ZNF804B: variants seen among roughly 807,000 people sequenced by gnomAD.
ZNF804B encodes the protein zinc finger 804B.
Under a neutral mutation model 101.4 loss-of-function variants are expected in ZNF804B, and 80 were observed. That is an observed-to-expected ratio of 0.79 (90% CI 0.66 to 0.95). The LOEUF (loss-of-function observed/expected upper bound fraction) is 0.95, where lower values mean the gene tolerates loss of function less well. ZNF804B is among the 40% of genes least tolerant of loss of function. ZNF804B has a pLI of 0.00. For missense variants in ZNF804B, 1,673 were observed against 1,561.9 expected (o/e 1.07, Z -1.20); for synonymous variants, 622 against 558.8 (o/e 1.11, Z -1.59).
In ZNF804B at chr7:89,335,044, G is replaced by T. The variant is rs150806475; in HGVS notation, c.2062G>T (p.Val688Phe). Residue 688 changes from valine to phenylalanine, a missense_variant, in exon 4 of 4, where the codon GTT becomes TTT. Coordinates refer to ENST00000333190, the MANE Select transcript of ZNF804B (RefSeq NM_181646.5). ...KSNHISMTSK[V>F]SGCGNQRYKR... ...TAACCACATCAGCATGACCAGCAAGGTTTCCGGATGTGGAAACCAAAGATA... is the reference window on the plus strand; with the variant it reads ...TAACCACATCAGCATGACCAGCAAGTTTTCCGGATGTGGAAACCAAAGATA... The T allele has an allele frequency of 1.4e-5, 23 of 1,613,644 alleles. No homozygotes were observed. In the African/African-American group the frequency reaches 3.1e-4, roughly 22 times the overall value.
intron 2 of ZNF804B, among the ~76,000 whole-genome samples, chr7:89,266,493 TA>T (rs1210388480): frequency 1.3e-5 from 2 of 152,172 alleles, no homozygotes; most frequent in Non-Finnish European, 2.9e-5. Context: ...TTTAAAGATA[TA>T]CTTTTAATAA....
intron 1 of ZNF804B, among the ~76,000 whole-genome samples, chr7:89,038,899 A>G (rs542201130): frequency 1.3e-4 from 20 of 152,086 alleles, no homozygotes; most frequent in Non-Finnish European, 2.6e-4. Context: ...TCCCAGTACC[A>G]TTTATTAATG....
intron 1 of ZNF804B, among the ~76,000 whole-genome samples, chr7:89,136,711 G>A (rs995519356): frequency 3.3e-5 from 5 of 149,968 alleles, no homozygotes; most frequent in Non-Finnish European, 7.4e-5. Context: ...TCTTTTTAAG[G>A]CTGAATTATA....
chr7:89,037,074 A>T (rs1332659971), intron 1 of ZNF804B, among the ~76,000 whole-genome samples: 1 of 152,154 alleles, frequency 6.6e-6, no homozygotes, highest in African/African-American at 2.4e-5. Flanking sequence ...GAATGAGACA[A>T]TTTTAACCTA....
chr7:89,219,985 G>GTGTGCATATATATGTATATACATATA (rs1788965015), intron 2 of ZNF804B, among the ~76,000 whole-genome samples: 1 of 91,106 alleles, frequency 1.1e-5, no homozygotes, highest in African/African-American at 4.5e-5. Context: ...ATATACATAT[G>GTGTGCATATATATGTATATACATATA]TGTGCATATA....
chr7:89,061,966 C>T (rs1789388389), intron 1 of ZNF804B, among the ~76,000 whole-genome samples: 1 of 152,044 alleles, frequency 6.6e-6, no homozygotes, highest in East Asian at 1.9e-4. Flanking sequence ...AAACATTCAT[C>T]ACTCCCAATT....
At chr7:88,919,654 C>T (rs1426565463) in intron 1 of ZNF804B, among the ~76,000 whole-genome samples, 1 of 152,102 alleles carries the variant, frequency 6.6e-6, no homozygotes, top group Non-Finnish European at 1.5e-5. Context: ...GGTTTTAGTA[C>T]AGTGTTTCCT....
chr7:89,045,148 G>A (rs1789085817), intron 1 of ZNF804B, among the ~76,000 whole-genome samples: 1 of 152,232 alleles, frequency 6.6e-6, no homozygotes. Flanking sequence ...GAGGGTGCAA[G>A]CCCCAAGCCT....
intron 1 of ZNF804B, among the ~76,000 whole-genome samples, chr7:89,160,087 G>A (rs1791036496): frequency 6.6e-6 from 1 of 152,080 alleles, no homozygotes; most frequent in African/African-American, 2.4e-5. Flanking sequence ...TAATTCCAAG[G>A]TAAGCCATAT....
intron 1 of ZNF804B, among the ~76,000 whole-genome samples, chr7:89,034,536 T>G (rs1329651901): frequency 6.6e-6 from 1 of 152,154 alleles, no homozygotes; most frequent in African/African-American, 2.4e-5. Flanking sequence ...TTGGTGAGAA[T>G]GATGGCTTCC....
At position 89,336,115 on chromosome 7, in the gene ZNF804B, G is replaced by A. The variant is rs1791082102; in HGVS notation, c.3133G>A (p.Asp1045Asn). 1.2e-6 allele frequency: 2 copies of A among 1,613,706 alleles called. No individual in the cohort carries two copies. The highest frequency in any genetic ancestry group is 2.7e-5 in the African/African-American group (2 of 74,878). ...TESQSLNIKR[D>N]ATTKEQSKPL... ...GTCTCAGTCACTAAACATAAAAAGG[G>A]ATGCAACAACAAAAGAACAATCAAA... The change falls in exon 4 of 4, where the codon GAT becomes AAT. Residue 1045 changes from aspartate (D) to asparagine (N), a missense_variant. By Grantham distance (23) the Asp-to-Asn change is conservative (BLOSUM62 1). Coordinates refer to ENST00000333190, the MANE Select transcript of ZNF804B (RefSeq NM_181646.5).
At chr7:89,292,063 GAA>G (rs1790304357) in intron 2 of ZNF804B, among the ~76,000 whole-genome samples, 1 of 152,030 alleles carries the variant, frequency 6.6e-6, no homozygotes, top group African/African-American at 2.4e-5. Flanking sequence ...CTTCAAAAAT[GAA>G]AGAGAAATAA....
chr7:89,327,397 A>G lies in ZNF804B; in HGVS notation c.303A>G (p.Ser101=), dbSNP rs1405517535. The change falls in exon 3 of 4, where the codon TCA becomes TCG. Residue 101 remains serine (S), a synonymous_variant. Coordinates refer to ENST00000333190, the MANE Select transcript of ZNF804B (RefSeq NM_181646.5). The part of the protein sequence containing the change: ...REFARNVASK[S]WKDEKKQEKA... Reference sequence around the variant, plus strand: ...TTGCTCGAAATGTAGCTTCTAAGTCATGGAAAGATGAGAAAAAACAAGAAA... The same window carrying G: ...TTGCTCGAAATGTAGCTTCTAAGTCGTGGAAAGATGAGAAAAAACAAGAAA... 6.2e-7 allele frequency: 1 copy of G among 1,611,450 alleles called. No homozygotes were observed. Among genetic ancestry groups the G allele is most frequent in the Non-Finnish European group, 8.5e-7 (1 of 1,178,520 alleles).
At chr7:88,846,876 CATAA>C (rs1252645057) in intron 1 of ZNF804B, among the ~76,000 whole-genome samples, 2 of 150,498 alleles carry the variant, frequency 1.3e-5, no homozygotes, top group Admixed American at 1.3e-4. Context: ...TATATATACA[CATAA>C]ATATACACAT....
intron 1 of ZNF804B, among the ~76,000 whole-genome samples, chr7:89,022,186 C>G (rs1788678436): frequency 6.6e-6 from 1 of 152,138 alleles, no homozygotes; most frequent in Non-Finnish European, 1.5e-5. Context: ...CCACAGGGAC[C>G]TCTCATCTCC....
chr7:89,309,759 C>CAAAAAAAAAAAAAAAAAAAAAAAA (rs397791531), intron 2 of ZNF804B, among the ~76,000 whole-genome samples: 1 of 70,820 alleles, frequency 1.4e-5, no homozygotes, highest in African/African-American at 6.4e-5. Context: ...GACCCTGTCT[C>CAAAAAAAAAAAAAAAAAAAAAAAA]AAAAAAAAAA....
intron 1 of ZNF804B, among the ~76,000 whole-genome samples, chr7:89,001,220 A>G (rs1030063521): frequency 6.6e-6 from 1 of 150,576 alleles, no homozygotes; most frequent in African/African-American, 2.4e-5. Context: ...TCACCACAAA[A>G]GGAACCATGG....
chr7:88,803,863 G>T (rs1790645208), intron 1 of ZNF804B, among the ~76,000 whole-genome samples: 1 of 151,980 alleles, frequency 6.6e-6, no homozygotes, highest in African/African-American at 2.4e-5. Flanking sequence ...GATAGTGAAA[G>T]GAAAGAAGAA....
chr7:89,094,827 C>A (rs903113712), intron 1 of ZNF804B, among the ~76,000 whole-genome samples: 2 of 151,988 alleles, frequency 1.3e-5, no homozygotes, highest in Admixed American at 6.6e-5. Flanking sequence ...GTTGCCTTAC[C>A]GTGTCAGGAT....
Sources: allele counts gnomAD v4.1 joint callset (sites outside exome capture counted in the v4.1 genomes callset), GRCh38; gene constraint gnomAD v4.1.1; transcripts MANE v1.5; gene names NCBI Gene and HGNC (gene_info 2026-07-23, HGNC 2026-07-21).